The following GCN1 variants were observed in gnomAD, a reference collection of about 807,000 sequenced individuals.
The protein encoded by GCN1 is stalled ribosome sensor GCN1.
In GCN1, 90 loss-of-function variants were observed where a neutral mutation model predicts 288.4. The ratio of observed to expected loss-of-function variants is 0.31; its 90% confidence interval spans 0.26 to 0.37. GCN1 has a LOEUF of 0.37. GCN1 is among the 10% of genes least tolerant of loss of function. The pLI is 1.00. For synonymous variants in GCN1, 1,386 were observed against 1,420.2 expected (o/e 0.98, Z 0.54); for missense variants, 2,586 against 3,419.9 (o/e 0.76, Z 6.08).
chr12:120,145,128 A>G, intron 39 of GCN1, 67 bp from the exon 40 acceptor site: 1 of 1,597,054 alleles, frequency 6.3e-7, no homozygotes, highest in Middle Eastern at 1.7e-4. Flanking sequence ...GCCACATGGG[A>G]GCAGGAAGGG....
Position 120,175,190 on chromosome 12 carries a change from A to G in GCN1, c.1065T>C (p.Val355=). 1 of 1,613,130 alleles carries G rather than the reference A, an allele frequency of 6.2e-7. No individual in the cohort carries two copies. The highest frequency in any genetic ancestry group is 8.5e-7 in the Non-Finnish European group (1 of 1,179,472). The part of the protein sequence containing the change: ...ILGGSEGKLT[V]VAQKMSVLSG... ...AGAGGACGCTCATCTTCTGGGCTACAACAGTTAGTTTTCCTTCCGAGCCTG... is the reference window on the plus strand; with the variant it reads ...AGAGGACGCTCATCTTCTGGGCTACGACAGTTAGTTTTCCTTCCGAGCCTG... Residue 355 remains valine, a synonymous_variant, in exon 12 of 58, where the codon GTT becomes GTC. Coordinates refer to ENST00000300648, the MANE Select transcript of GCN1 (RefSeq NM_006836.2).
At position 120,137,592 on chromosome 12, in the gene GCN1, G is replaced by A. The variant is rs1389727731; in HGVS notation, c.6616C>T (p.Pro2206Ser). 6.2e-7 allele frequency: 1 copy of A among 1,613,956 alleles called. No homozygotes were observed. The highest frequency in any genetic ancestry group is 8.5e-7 in the Non-Finnish European group (1 of 1,179,934). Residue 2206 changes from proline to serine, a missense_variant, in exon 49 of 58, where the codon CCT (proline) becomes TCT (serine). Pro to Ser is a moderately conservative substitution (Grantham distance 74). This residue lies in a region of GCN1 where 437 missense variants were observed against 570.5 expected (regional missense o/e 0.77). Transcript: ENST00000300648. The surrounding 1 kb of genome is among the most constrained non-coding windows in gnomAD (Gnocchi z 5.2). The stretch of plus-strand genomic sequence containing the variant: ...TCCCAGCTCTCCTCCAGAACCACAG[G>A]GCTGGAGTCATTGAAGAGGCGGATC... Reference protein sequence around the residue: ...GLIRLFNDSSPVVLEESWDAL... With the variant: ...GLIRLFNDSSSVVLEESWDAL...
chr12:120,188,420 G>A (rs1878889742), intron 2 of GCN1, among the ~76,000 whole-genome samples: 2 of 139,208 alleles, frequency 1.4e-5, no homozygotes, highest in Admixed American at 1.4e-4. Flanking sequence ...GGTGACAGAG[G>A]GAGACTCTGT....
chr12:120,129,215 G>A (rs1234556542), intron 57 of GCN1, 61 bp downstream of exon 57: 13 of 1,206,436 alleles, frequency 1.1e-5, no homozygotes, highest in Non-Finnish European at 1.6e-5. Flanking sequence ...TTTCCATGCT[G>A]AAGAAGAGCT....
At position 120,160,431 on chromosome 12, in the gene GCN1, G is replaced by C. The variant is rs976447093; in HGVS notation, c.2437-176C>G. The C allele has an allele frequency of 8.4e-6, 5 of 596,744 alleles. No homozygotes were observed. The Middle Eastern group carries it at 1.3e-3, about 154-fold the overall frequency. 37.0% of individuals were successfully genotyped at this position (596,744 alleles called of 1,614,324 possible). A position where few individuals can be genotyped will look rare whatever the true frequency, so the allele number is the denominator to read the frequency against. ...CTCCCACAAAGTCCACAGCCACCTG[G>C]TTTCTATAGAATGGAGACAGCAATA... On this transcript the variant is annotated intron_variant, in intron 22 of 57. Transcript: ENST00000300648.
chr12:120,165,678 T>C (rs530807713), intron 16 of GCN1, among the ~76,000 whole-genome samples: 2 of 151,978 alleles, frequency 1.3e-5, no homozygotes, highest in South Asian at 4.2e-4. Context: ...TTCACCATGT[T>C]GGCCAGGATA....
rs1367063038 is a variant in GCN1, at chr12:120,142,752, G to C, written c.5614-30C>G. On this transcript the variant is annotated intron_variant, in intron 43 of 57. Transcript: ENST00000300648. This position sits in a 1 kb window ranked among gnomAD's most constrained non-coding sequence, Gnocchi z 4.9. ...AGCCAGTAGAAGGGGACAGAGAGTA[G>C]TGAAGCCTCTATGGCATGGGCATCA... The C allele has an allele frequency of 6.2e-7, 1 of 1,608,890 alleles. No homozygotes were observed. Among genetic ancestry groups the C allele is most frequent in the Non-Finnish European group, 8.5e-7 (1 of 1,175,304 alleles).
intron 26 of GCN1, chr12:120,157,217 C>T (rs143224724): frequency 6.1e-6 from 3 of 492,288 alleles, no homozygotes; most frequent in African/African-American, 5.8e-5. Context: ...GCTTGAAATT[C>T]ACACTATGAA....
intron 33 of GCN1, among the ~76,000 whole-genome samples, chr12:120,152,661 A>AAAT (rs1877604443): frequency 1.5e-5 from 2 of 137,250 alleles, no homozygotes; most frequent in Non-Finnish European, 3.1e-5. Context: ...ACACACACAA[A>AAAT]ATATATATAT....
intron 15 of GCN1, among the ~76,000 whole-genome samples, chr12:120,169,820 C>A (rs2139125177): frequency 6.6e-6 from 1 of 152,352 alleles, no homozygotes; most frequent in South Asian, 2.1e-4. Context: ...CGGGAAAAGA[C>A]AGGGCTAAGG....
chr12:120,170,861 CTT>C (rs199672130), intron 14 of GCN1, among the ~76,000 whole-genome samples: 1 of 150,474 alleles, frequency 6.6e-6, no homozygotes, highest in African/African-American at 2.5e-5. Context: ...GAACTAAACT[CTT>C]TTAAAAAAAA....
chr12:120,177,479 G>A lies in GCN1; in HGVS notation c.806C>T (p.Ser269Phe). 1 of 1,604,748 alleles carries A rather than the reference G, an allele frequency of 6.2e-7. No homozygotes were observed. Among genetic ancestry groups the A allele is most frequent in the Non-Finnish European group, 8.5e-7 (1 of 1,171,516 alleles). Residue 269 changes from serine (S) to phenylalanine (F), a missense_variant, in exon 9 of 58, where the codon TCC becomes TTC. Around this residue, in one of 8 missense-constraint regions of GCN1, gnomAD observed 913 missense variants for 1,107.0 expected, o/e 0.82. Transcript: ENST00000300648. ...KDLILPTIQK[S>F]LLRSPENVIE... ...AACATTCTCTGGACTCCTCAGTAAG[G>A]ACTTCTGTATGGTGGGCAGTATCAG... is the stretch of plus-strand genomic sequence containing the variant.
At chr12:120,193,430 T>G (rs1422953003) in intron 1 of GCN1, among the ~76,000 whole-genome samples, 1 of 152,140 alleles carries the variant, frequency 6.6e-6, no homozygotes, top group Admixed American at 6.5e-5. Flanking sequence ...CTCAGCCTCC[T>G]GAGTAGCTGG....
In GCN1 at chr12:120,138,718, G is replaced by A; in HGVS notation, c.6133C>T (p.Leu2045Phe). 1 of 1,614,058 alleles carries A rather than the reference G, an allele frequency of 6.2e-7. No homozygotes were observed. Among genetic ancestry groups the A allele is most frequent in the Non-Finnish European group, 8.5e-7 (1 of 1,179,902 alleles). The change falls in exon 46 of 58, where the codon CTC (leucine) becomes TTC (phenylalanine). Residue 2045 changes from leucine (L) to phenylalanine (F), a missense_variant. This residue lies in a region of GCN1 where 437 missense variants were observed against 570.5 expected (regional missense o/e 0.77). Transcript: ENST00000300648. The part of the protein sequence containing the change: ...TIGHQALEDI[L>F]PFLLKQLDDE... The stretch of plus-strand genomic sequence containing the variant: ...ACCAGCTGCTTTAGTAAAAATGGGA[G>A]AATGTCCTCCAGAGCCTGGTGGCCG...
chr12:120,166,393 G>A (rs1878125275), intron 16 of GCN1, among the ~76,000 whole-genome samples: 1 of 119,112 alleles, frequency 8.4e-6, no homozygotes, highest in Admixed American at 9.1e-5. Context: ...AACAGAGTGA[G>A]ACTGTCTCAA....
In GCN1 at chr12:120,144,604, A is replaced by G. The variant is rs776640723; in HGVS notation, c.5352+35T>C. ...TGAGCACTTGCCTCCTGCCCTCCTCAAGGACTCTACCCTTGCCAAGGTCAT... is the reference window on the plus strand; with the variant it reads ...TGAGCACTTGCCTCCTGCCCTCCTCGAGGACTCTACCCTTGCCAAGGTCAT... On this transcript the variant is annotated intron_variant, in intron 41 of 57. Transcript: ENST00000300648. This position sits in a 1 kb window ranked among gnomAD's most constrained non-coding sequence, Gnocchi z 4.7. The G allele has an allele frequency of 1.9e-6, 3 of 1,592,238 alleles. No individual in the cohort carries two copies. The highest frequency in any genetic ancestry group is 2.2e-5 in the South Asian group (2 of 90,360).
At chr12:120,178,200 T>C (rs1193379603) in intron 7 of GCN1, among the ~76,000 whole-genome samples, 1 of 152,206 alleles carries the variant, frequency 6.6e-6, no homozygotes, top group Non-Finnish European at 1.5e-5. Flanking sequence ...TTGTGGAGTC[T>C]CACGACTTCT....
intron 16 of GCN1, among the ~76,000 whole-genome samples, chr12:120,167,498 T>C (rs1425637782): frequency 2.0e-5 from 3 of 152,164 alleles, no homozygotes; most frequent in African/African-American, 4.8e-5. Flanking sequence ...GGTATTTACT[T>C]GCATATATAT....
rs1877039786 is a variant in GCN1, at chr12:120,137,308, A to G, written c.6675T>C (p.Ala2225=). The G allele has an allele frequency of 6.2e-7, 1 of 1,613,560 alleles. No homozygotes were observed. Residue 2225 remains alanine, a synonymous_variant, in exon 50 of 58, where the codon GCT becomes GCC. Transcript: ENST00000300648. This position sits in a 1 kb window ranked among gnomAD's most constrained non-coding sequence, Gnocchi z 5.2. The part of the protein sequence containing the change: ...ALNAITKKLD[A]GNQLALIEEL... ...CTTCAATGAGTGCCAACTGGTTGCC[A>G]GCATCCAGCTTCTGCAGGAATCCAG...
Sources: allele counts gnomAD v4.1 joint callset (sites outside exome capture counted in the v4.1 genomes callset), GRCh38; gene constraint gnomAD v4.1.1; regional missense constraint gnomAD v4.1.1; non-coding constraint Gnocchi (gnomAD v3.1); transcripts MANE v1.5; gene names NCBI Gene and HGNC (gene_info 2026-07-23, HGNC 2026-07-21).